The following CADM2 variants were observed in gnomAD, a reference collection of about 807,000 sequenced individuals.
CADM2 encodes the protein cell adhesion molecule 2, also known as immunoglobulin superfamily member 4D.
CADM2 carries 12 observed loss-of-function variants against 49.8 expected under a neutral mutation model. The observed-to-expected ratio is 0.24, with a 90% CI of 0.15 to 0.39. CADM2 has a LOEUF of 0.39. Among genes scored for constraint, CADM2 ranks in the 10% least tolerant of loss-of-function variants. CADM2 has a pLI of 1.00. For missense variants in CADM2, 378 were observed against 492.3 expected, an observed-to-expected ratio of 0.77 and a Z score of 2.20; for synonymous variants, 214 against 175.4, an observed-to-expected ratio of 1.22 and a Z score of -1.74.
chr3:85,102,009 A>G (rs960262149), intron 1 of CADM2, among the ~76,000 whole-genome samples: 7 of 152,222 alleles, frequency 4.6e-5, no homozygotes, highest in Non-Finnish European at 8.8e-5. Flanking sequence ...TCCTTGATCC[A>G]TAAAGCTATA....
rs142455005 is a variant in CADM2, at chr3:85,200,057, C to T, written c.61+240389C>T. ...ATATTTTTTATTATGTCCTAAATGC[C>T]CTTCCATGGGTTAACTGAAAGCAGT... On this transcript the variant is annotated intron_variant, in intron 1 of 9. Coordinates refer to ENST00000383699, the MANE Select transcript of CADM2 (RefSeq NM_001167675.2). 5.3e-5 allele frequency among the ~76,000 whole-genome samples: 8 copies of T among 152,094 alleles called. No individual in the cohort carries two copies. The East Asian group carries it at 1.5e-3, about 29-fold the overall frequency.
At chr3:86,043,823 A>T (rs532376203) in intron 8 of CADM2, among the ~76,000 whole-genome samples, 2 of 152,358 alleles carry the variant, frequency 1.3e-5, no homozygotes, top group East Asian at 3.9e-4. Flanking sequence ...CTACAAGGCT[A>T]CAGTAAACAA....
At chr3:85,785,713 C>T (rs2070940848) in intron 2 of CADM2, among the ~76,000 whole-genome samples, 1 of 152,084 alleles carries the variant, frequency 6.6e-6, no homozygotes, top group Non-Finnish European at 1.5e-5. Flanking sequence ...TTAGCATGAG[C>T]AACCTCAGCT....
intron 1 of CADM2, among the ~76,000 whole-genome samples, chr3:85,558,599 T>C (rs2107163783): frequency 6.6e-6 from 1 of 152,216 alleles, no homozygotes; most frequent in African/African-American, 2.4e-5. Context: ...ATCTTCTATG[T>C]AAATGTGTGA....
chr3:86,033,089 T>A (rs1021809925), intron 8 of CADM2, among the ~76,000 whole-genome samples: 1 of 151,884 alleles, frequency 6.6e-6, no homozygotes, highest in Non-Finnish European at 1.5e-5. Flanking sequence ...TCTAAACCTT[T>A]GGATAATTTA....
At chr3:85,226,607 TTG>T (rs542665032) in intron 1 of CADM2, among the ~76,000 whole-genome samples, 2 of 151,982 alleles carry the variant, frequency 1.3e-5, no homozygotes, top group Non-Finnish European at 2.9e-5. Flanking sequence ...GTTTTTTTTT[TTG>T]TGTGTGTGTC....
chr3:85,946,034 C>A (rs1722647449), intron 7 of CADM2, among the ~76,000 whole-genome samples: 1 of 152,058 alleles, frequency 6.6e-6, no homozygotes, highest in South Asian at 2.1e-4. Flanking sequence ...AAAACCCCAT[C>A]ATCTGAGCCC....
chr3:86,005,623 C>T (rs564035434), intron 8 of CADM2, among the ~76,000 whole-genome samples: 34 of 151,582 alleles, frequency 2.2e-4, no homozygotes, highest in African/African-American at 4.1e-4. Flanking sequence ...TATTTTGATA[C>T]AGGCATGCAA....
chr3:85,171,472 AT>A (rs2040624603), intron 1 of CADM2, among the ~76,000 whole-genome samples: 1 of 152,190 alleles, frequency 6.6e-6, no homozygotes, highest in Non-Finnish European at 1.5e-5. Flanking sequence ...GTAAAAATAG[AT>A]TTTCACATTT....
chr3:86,051,307 T>C (rs1737316663), intron 8 of CADM2, among the ~76,000 whole-genome samples: 1 of 152,182 alleles, frequency 6.6e-6, no homozygotes, highest in Admixed American at 6.5e-5. Flanking sequence ...CAGTAAGTTC[T>C]TTATCTGTAT....
chr3:85,121,589 A>G (rs979652475), intron 1 of CADM2, among the ~76,000 whole-genome samples: 8 of 152,224 alleles, frequency 5.3e-5, no homozygotes, highest in South Asian at 2.1e-4. Flanking sequence ...AGATGACCTA[A>G]GCTATGCAAA....
At chr3:85,158,929 A>G (rs2040228481) in intron 1 of CADM2, among the ~76,000 whole-genome samples, 1 of 152,130 alleles carries the variant, frequency 6.6e-6, no homozygotes, top group Admixed American at 6.5e-5. Flanking sequence ...TGTGTGAGAG[A>G]GAAAGATAGT....
At chr3:85,109,043 T>G (rs1407300615) in intron 1 of CADM2, among the ~76,000 whole-genome samples, 1 of 152,094 alleles carries the variant, frequency 6.6e-6, no homozygotes, top group Non-Finnish European at 1.5e-5. Flanking sequence ...TTTAACAAGT[T>G]TATTTATTAC....
chr3:85,584,509 A>C (rs970699096), intron 1 of CADM2, among the ~76,000 whole-genome samples: 2 of 152,134 alleles, frequency 1.3e-5, no homozygotes, highest in Admixed American at 1.3e-4. Context: ...GCTTGCCGTC[A>C]AAAGGGGATA....
intron 1 of CADM2, among the ~76,000 whole-genome samples, chr3:85,070,712 G>A (rs2036699574): frequency 6.6e-6 from 1 of 152,070 alleles, no homozygotes; most frequent in Non-Finnish European, 1.5e-5. Context: ...AATAATTCAG[G>A]CCAGGGGCAG....
intron 1 of CADM2, among the ~76,000 whole-genome samples, chr3:85,330,791 T>TC (rs1319906930): frequency 1.3e-5 from 1 of 76,398 alleles, no homozygotes; most frequent in Non-Finnish European, 2.9e-5. Context: ...ACTCCATCTC[T>TC]CCAAAAAAAA....
chr3:85,610,178 G>A (rs1244434880), intron 1 of CADM2, among the ~76,000 whole-genome samples: 1 of 151,900 alleles, frequency 6.6e-6, no homozygotes, highest in Non-Finnish European at 1.5e-5. Context: ...GTAATTTAAT[G>A]ACTTCGAAGA....
At chr3:85,168,849 G>A (rs1002948854) in intron 1 of CADM2, among the ~76,000 whole-genome samples, 2 of 152,066 alleles carry the variant, frequency 1.3e-5, no homozygotes, top group Non-Finnish European at 2.9e-5. Context: ...GTTCATATTT[G>A]TCTATTTTTT....
chr3:84,990,211 T>C (rs2107173935), intron 1 of CADM2, among the ~76,000 whole-genome samples: 1 of 151,698 alleles, frequency 6.6e-6, no homozygotes, highest in East Asian at 1.9e-4. Context: ...TAAGCGTATT[T>C]ACAATATATT....
Sources: gnomAD v4.1 joint callset for allele counts (sites outside exome capture counted in the v4.1 genomes callset) on GRCh38, gnomAD v4.1.1 for gene constraint, MANE v1.5 for transcripts, NCBI Gene and HGNC (gene_info 2026-07-23, HGNC 2026-07-21) for gene names.